The following SLC24A3 variants were observed in gnomAD, a reference collection of about 807,000 sequenced individuals.
SLC24A3 encodes the protein sodium/potassium/calcium exchanger 3.
Under a neutral mutation model 75.8 loss-of-function variants are expected in SLC24A3, and 28 were observed. The ratio of observed to expected loss-of-function variants is 0.37; its 90% CI spans 0.27 to 0.51. The LOEUF is 0.51. Ranked by LOEUF, SLC24A3 falls within the 20% of genes least tolerant of loss-of-function variation. The pLI is 0.94. For missense variants in SLC24A3, 663 were observed against 847.8 expected (o/e 0.78, Z 2.71); for synonymous variants, 372 against 334.1 (o/e 1.11, Z -1.24).
In SLC24A3 at chr20:19,278,017, G is replaced by A. The variant is rs537467879; in HGVS notation, c.143-2942G>A. ...GGTACTGTGTAGATGGGCAGATGCC[G>A]TGGTGCTCGACCGATATTACTTGGT... On this transcript the variant is annotated intron_variant, in intron 1 of 16. Coordinates refer to ENST00000328041, the MANE Select transcript of SLC24A3 (RefSeq NM_020689.4). Among the ~76,000 whole-genome samples, 15 of 152,102 alleles carry A rather than the reference G, an allele frequency of 9.9e-5. No homozygotes were observed. In the South Asian group the frequency reaches 2.1e-3, roughly 21 times the overall value.
chr20:19,285,026 C>A (rs920462988), intron 2 of SLC24A3, among the ~76,000 whole-genome samples: 1 of 152,148 alleles, frequency 6.6e-6, no homozygotes, highest in Non-Finnish European at 1.5e-5. Flanking sequence ...ACTCCCTCTC[C>A]CCTCCTCCCC....
At chr20:19,708,426 A>G (rs191829277) in intron 15 of SLC24A3, among the ~76,000 whole-genome samples, 16 of 152,264 alleles carry the variant, frequency 1.1e-4, no homozygotes, top group African/African-American at 3.9e-4. Flanking sequence ...TATGGCAACC[A>G]TTCCGAATTC....
At chr20:19,486,569 C>T (rs1217280918) in intron 2 of SLC24A3, among the ~76,000 whole-genome samples, 1 of 152,310 alleles carries the variant, frequency 6.6e-6, no homozygotes, top group East Asian at 1.9e-4. Flanking sequence ...CACACCCAAC[C>T]CACAAGCTCA....
chr20:19,511,482 C>T (rs868531853), intron 2 of SLC24A3, among the ~76,000 whole-genome samples: 1 of 152,132 alleles, frequency 6.6e-6, no homozygotes, highest in South Asian at 2.1e-4. Flanking sequence ...CGCCCGCCAC[C>T]ACGCCCGGCT....
intron 3 of SLC24A3, among the ~76,000 whole-genome samples, chr20:19,537,277 T>G (rs1251102919): frequency 7.2e-5 from 11 of 152,124 alleles, no homozygotes; most frequent in South Asian, 4.2e-4. Context: ...CATGAAAAAA[T>G]GCTCATCATC....
At chr20:19,458,862 G>C (rs1428220611) in intron 2 of SLC24A3, among the ~76,000 whole-genome samples, 1 of 152,184 alleles carries the variant, frequency 6.6e-6, no homozygotes, top group East Asian at 1.9e-4. Flanking sequence ...AGCAGAAAAA[G>C]TGATTTTTTA....
At chr20:19,634,572 T>TA (rs144113250) in intron 6 of SLC24A3, among the ~76,000 whole-genome samples, 17,121 of 151,974 alleles carry the variant, frequency 0.11, 1,343 homozygotes, top group African/African-American at 0.21. Context: ...TGCTCAACAA[T>TA]AAAAAAGAGA....
Position 19,711,351 on chromosome 20 carries a change from C to T in SLC24A3, c.1720-6177C>T, listed in dbSNP as rs1025757795. On this transcript the variant is annotated intron_variant, in intron 15 of 16. Coordinates refer to ENST00000328041, the MANE Select transcript of SLC24A3 (RefSeq NM_020689.4). ...TGCATGCACACGTGCAAACATACCA[C>T]ACACATGCATGCACACATGCAAGCA... is the stretch of plus-strand genomic sequence containing the variant. 2.6e-5 allele frequency among the ~76,000 whole-genome samples: 4 copies of T among 151,114 alleles called. No homozygotes were observed. The East Asian group carries it at 5.9e-4, about 22-fold the overall frequency.
At chr20:19,445,982 A>C (rs1422458377) in intron 2 of SLC24A3, among the ~76,000 whole-genome samples, 1 of 152,176 alleles carries the variant, frequency 6.6e-6, no homozygotes, top group Non-Finnish European at 1.5e-5. Flanking sequence ...TTCTATCCTC[A>C]CAGTAACCCT....
intron 8 of SLC24A3, among the ~76,000 whole-genome samples, chr20:19,668,712 T>C (rs2032429114): frequency 6.6e-6 from 1 of 152,140 alleles, no homozygotes. Context: ...AAAAAAATGG[T>C]GGTTGACAGT....
chr20:19,425,831 G>T (rs967085920), intron 2 of SLC24A3, among the ~76,000 whole-genome samples: 1 of 151,978 alleles, frequency 6.6e-6, no homozygotes, highest in Non-Finnish European at 1.5e-5. Context: ...ATGCATGTTG[G>T]TGCTCAAATT....
At chr20:19,512,191 A>G (rs2029896736) in intron 2 of SLC24A3, among the ~76,000 whole-genome samples, 1 of 152,164 alleles carries the variant, frequency 6.6e-6, no homozygotes. Context: ...ATCAGAGAGC[A>G]GGCCCTGGAG....
intron 1 of SLC24A3, among the ~76,000 whole-genome samples, chr20:19,245,245 A>G (rs13045614): frequency 0.093 from 14,160 of 152,138 alleles, 1,117 homozygotes; most frequent in African/African-American, 0.22. Context: ...AGAAATTAAC[A>G]TATTATAGTA....
chr20:19,231,697 G>A (rs761836260), intron 1 of SLC24A3, among the ~76,000 whole-genome samples: 9 of 152,152 alleles, frequency 5.9e-5, no homozygotes, highest in Non-Finnish European at 1.2e-4. Flanking sequence ...AACTGTATGG[G>A]GCTGTTGAAA....
rs1265621413 is a variant in SLC24A3, at chr20:19,212,737, C to T, written c.-106C>T. 3.4e-6 allele frequency: 3 copies of T among 894,558 alleles called. No individual in the cohort carries two copies. The highest frequency in any genetic ancestry group is 2.7e-6 in the Non-Finnish European group (2 of 749,466). The allele number at this position is 894,558 out of a possible 1,614,324, so 55.4% of individuals were successfully genotyped here. A position where few individuals can be genotyped will look rare whatever the true frequency, so the allele number is the denominator to read the frequency against. On this transcript the variant is annotated 5_prime_UTR_variant, in exon 1 of 17. The change creates a new upstream start codon in the 5' untranslated region. Coordinates refer to ENST00000328041, the MANE Select transcript of SLC24A3 (RefSeq NM_020689.4). ...CGGCCGGGTGGGAGCGCAGCGAGGA[C>T]GCGCGGCTGCTGCGCGCAGGGCTGC...
chr20:19,212,798 A>G lies in SLC24A3; in HGVS notation c.-45A>G, dbSNP rs1192642968. 1 of 977,626 alleles carries G rather than the reference A, an allele frequency of 1.0e-6. No homozygotes were observed. The highest frequency in any genetic ancestry group is 1.2e-6 in the Non-Finnish European group (1 of 826,708). The allele number at this position is 977,626 out of a possible 1,614,324, so 60.6% of individuals were successfully genotyped here. A position where few individuals can be genotyped will look rare whatever the true frequency, so the allele number is the denominator to read the frequency against. On this transcript the variant is annotated 5_prime_UTR_variant, in exon 1 of 17. Coordinates refer to ENST00000328041, the MANE Select transcript of SLC24A3 (RefSeq NM_020689.4). ...TGTCCCCGCCGCGGCCGCCCGCGAC[A>G]GGAGCGGCCGCCGCCCGCCGAGGCC...
chr20:19,234,192 T>C (rs1185993241), intron 1 of SLC24A3, among the ~76,000 whole-genome samples: 1 of 152,226 alleles, frequency 6.6e-6, no homozygotes, highest in African/African-American at 2.4e-5. Context: ...GTGAGAGCCT[T>C]GGAACAGCAG....
chr20:19,539,813 A>T (rs1356631185), intron 3 of SLC24A3, among the ~76,000 whole-genome samples: 1 of 152,206 alleles, frequency 6.6e-6, no homozygotes, highest in East Asian at 1.9e-4. Context: ...GCAGCCATAT[A>T]AAAATGTGAT....
intron 6 of SLC24A3, among the ~76,000 whole-genome samples, chr20:19,587,475 A>G (rs1318826271): frequency 6.6e-6 from 1 of 152,232 alleles, no homozygotes; most frequent in East Asian, 1.9e-4. Flanking sequence ...CATGGACAGA[A>G]GTAACAACCA....
Sources: allele counts gnomAD v4.1 joint callset (sites outside exome capture counted in the v4.1 genomes callset), GRCh38; gene constraint gnomAD v4.1.1; transcripts MANE v1.5; gene names NCBI Gene and HGNC (gene_info 2026-07-23, HGNC 2026-07-21).